MYCBP2: variants seen among roughly 807,000 people sequenced by gnomAD.
MYCBP2 encodes the protein MYC binding protein 2.
Under a neutral mutation model 525.3 loss-of-function variants are expected in MYCBP2, and 120 were observed. The observed-to-expected ratio is 0.23, with a 90% CI of 0.20 to 0.27. The LOEUF is 0.27. Ranked by LOEUF, MYCBP2 falls within the 10% of genes least tolerant of loss-of-function variation. The pLI is 1.00. For synonymous variants in MYCBP2, 1,894 were observed against 1,955.8 expected (o/e 0.97, Z 0.83); for missense variants, 4,149 against 5,657.1 (o/e 0.73, Z 8.55).
intron 44 of MYCBP2, 121 bp from the exon 45 acceptor site, chr13:77,158,230 C>T: frequency 1.9e-6 from 1 of 519,846 alleles, no homozygotes; most frequent in Non-Finnish European, 3.1e-6. Context: ...CTCCACGTAC[C>T]CCACTGTTCC....
chr13:77,223,628 T>C (rs2065884892), intron 20 of MYCBP2, among the ~76,000 whole-genome samples: 1 of 152,206 alleles, frequency 6.6e-6, no homozygotes, highest in African/African-American at 2.4e-5. Flanking sequence ...CAGTTCATGG[T>C]GTCAGAGACC....
chr13:77,290,787 G>T, intron 2 of MYCBP2, among the ~76,000 whole-genome samples: 1 of 152,032 alleles, frequency 6.6e-6, no homozygotes, highest in East Asian at 1.9e-4. Flanking sequence ...TCCAGACTGT[G>T]GTAAGAGTCA....
intron 38 of MYCBP2, 95 bp downstream of exon 38, chr13:77,171,397 A>G (rs1197705833): frequency 7.9e-7 from 1 of 1,260,730 alleles, no homozygotes; most frequent in Non-Finnish European, 1.1e-6. Context: ...ATTCTATAAA[A>G]TTGTATAATA....
chr13:77,136,947 T>G (rs2154179211), intron 52 of MYCBP2, among the ~76,000 whole-genome samples: 1 of 152,324 alleles, frequency 6.6e-6, no homozygotes, highest in East Asian at 1.9e-4. Context: ...TACTAGTATC[T>G]TTCTTTTAAC....
chr13:77,145,954 T>A (rs1156945790), intron 48 of MYCBP2, among the ~76,000 whole-genome samples: 1 of 151,986 alleles, frequency 6.6e-6, no homozygotes, highest in Non-Finnish European at 1.5e-5. Flanking sequence ...GTAGGTAGTA[T>A]TATGTAATAT....
At chr13:77,303,587 T>C (rs1329842559) in intron 1 of MYCBP2, among the ~76,000 whole-genome samples, 1 of 152,020 alleles carries the variant, frequency 6.6e-6, no homozygotes, top group African/African-American at 2.4e-5. Context: ...TCCCAAATGT[T>C]TGGCAATCAA....
At chr13:77,110,519 C>T (rs1260728762) in intron 55 of MYCBP2, among the ~76,000 whole-genome samples, 1 of 152,136 alleles carries the variant, frequency 6.6e-6, no homozygotes, top group Non-Finnish European at 1.5e-5. Context: ...GTGATCTTTG[C>T]TTTGCCCTTT....
At chr13:77,170,100 C>T (rs771056587) in intron 38 of MYCBP2, among the ~76,000 whole-genome samples, 7 of 152,162 alleles carry the variant, frequency 4.6e-5, no homozygotes, top group Non-Finnish European at 8.8e-5. Context: ...GTATCAGTGA[C>T]ATTAGGCAAA....
intron 55 of MYCBP2, among the ~76,000 whole-genome samples, chr13:77,105,105 A>T (rs955642008): frequency 3.9e-5 from 6 of 152,110 alleles, no homozygotes; most frequent in African/African-American, 1.4e-4. Context: ...TTCAGGGGGA[A>T]TCCAACCTGC....
At chr13:77,246,718 G>A (rs563526692) in intron 15 of MYCBP2, among the ~76,000 whole-genome samples, 46 of 150,964 alleles carry the variant, frequency 3.0e-4, no homozygotes, top group African/African-American at 1.1e-3. Flanking sequence ...GAATAATGAT[G>A]TGAAAATCCT....
chr13:77,166,437 C>G lies in MYCBP2; in HGVS notation c.6232G>C (p.Gly2078Arg), dbSNP rs373804139. 12 of 1,613,824 alleles carry G rather than the reference C, an allele frequency of 7.4e-6. No individual in the cohort carries two copies. The highest frequency in any genetic ancestry group is 1.0e-5 in the Non-Finnish European group (12 of 1,179,888). Residue 2078 changes from glycine to arginine, a missense_variant, in exon 41 of 83, where the codon GGA (glycine) becomes CGA (arginine). By Grantham distance (125) the Gly-to-Arg change is moderately radical (BLOSUM62 -2). Around this residue, in one of 21 missense-constraint regions of MYCBP2, gnomAD observed 692 missense variants for 852.7 expected, o/e 0.81. Transcript: ENST00000544440. ...ACAGATGTCAATTTTGGTCCATATC[C>G]TGAATTCTGAACAGTTCTGACAGGA... ...LIPVRTVQNS[G>R]YGPKLTSVHE... is the part of the protein sequence containing the mutation.
intron 55 of MYCBP2, among the ~76,000 whole-genome samples, chr13:77,116,577 A>G (rs1465825690): frequency 6.6e-6 from 1 of 152,072 alleles, no homozygotes; most frequent in African/African-American, 2.4e-5. Context: ...GTTGCGAATA[A>G]GAAGTTTAAA....
chr13:77,239,020 C>T (rs559197379), intron 17 of MYCBP2, among the ~76,000 whole-genome samples: 127 of 151,928 alleles, frequency 8.4e-4, no homozygotes, highest in African/African-American at 2.9e-3. Context: ...CTCGGGAGGC[C>T]GAGGCAGGAG....
At chr13:77,117,519 T>C (rs1440119230) in intron 55 of MYCBP2, among the ~76,000 whole-genome samples, 2 of 152,190 alleles carry the variant, frequency 1.3e-5, no homozygotes, top group East Asian at 3.8e-4. Context: ...AAAGTATTTT[T>C]GTAAACAAAT....
At chr13:77,147,847 T>C (rs2055851987) in intron 47 of MYCBP2, among the ~76,000 whole-genome samples, 1 of 152,134 alleles carries the variant, frequency 6.6e-6, no homozygotes, top group South Asian at 2.1e-4. Flanking sequence ...GAATACATAG[T>C]ATCTGTGAAT....
chr13:77,273,243 C>G (rs978026972), intron 5 of MYCBP2, among the ~76,000 whole-genome samples: 3 of 152,152 alleles, frequency 2.0e-5, no homozygotes, highest in Non-Finnish European at 4.4e-5. Flanking sequence ...CAAAGACCAG[C>G]TTAAAGATTT....
intron 1 of MYCBP2, among the ~76,000 whole-genome samples, chr13:77,322,710 A>G (rs926911163): frequency 5.9e-5 from 9 of 152,268 alleles, no homozygotes; most frequent in African/African-American, 1.9e-4. Flanking sequence ...AGAAAAAGGT[A>G]GACGTGAACT....
chr13:77,121,499 C>A lies in MYCBP2; in HGVS notation c.8018-4G>T. 6.4e-7 allele frequency: 1 copy of A among 1,562,858 alleles called. No homozygotes were observed. Among genetic ancestry groups the A allele is most frequent in the Non-Finnish European group, 8.7e-7 (1 of 1,148,552 alleles). ...TTCTGATCCAGAAGAGCTTGTTCTACAATAAAAGCCATAGCTGTAACATTA... is the reference window on the plus strand; with the variant it reads ...TTCTGATCCAGAAGAGCTTGTTCTAAAATAAAAGCCATAGCTGTAACATTA... On this transcript the variant is annotated splice_region_variant and splice_polypyrimidine_tract_variant and intron_variant, in intron 54 of 82. Transcript: ENST00000544440.
At chr13:77,263,586 C>T in intron 10 of MYCBP2, 65 bp downstream of exon 10, 1 of 1,403,122 alleles carries the variant, frequency 7.1e-7, no homozygotes, top group South Asian at 1.3e-5. Flanking sequence ...ACACAATGTT[C>T]ATTTTTAAGA....
Sources: allele counts gnomAD v4.1 joint callset (sites outside exome capture counted in the v4.1 genomes callset), GRCh38; gene constraint gnomAD v4.1.1; regional missense constraint gnomAD v4.1.1; transcripts MANE v1.5; gene names NCBI Gene and HGNC (gene_info 2026-07-23, HGNC 2026-07-21).